The following CENPS variants were observed in gnomAD, a reference collection of about 807,000 sequenced individuals.
CENPS encodes the protein FANCM associated histone fold protein 1.
A neutral mutation model predicts 17.9 loss-of-function variants in CENPS; 16 were observed. That is an observed-to-expected ratio of 0.90 (90% confidence interval 0.61 to 1.36). The LOEUF is 1.36. Ranked by LOEUF, CENPS falls within the 40% of genes most tolerant of loss-of-function variation. CENPS has a pLI of 0.00. For synonymous variants in CENPS, 49 were observed against 55.8 expected (o/e 0.88, Z 0.54); for missense variants, 160 against 158.6 (o/e 1.01, Z -0.05).
At chr1:10,442,183 G>A (rs1640444878) in intron 4 of CENPS, 82 bp from the exon 5 acceptor site, 7 of 1,492,988 alleles carry the variant, frequency 4.7e-6, no homozygotes, top group African/African-American at 4.4e-5. Context: ...GGTGGTTGTG[G>A]AGGGTTTAGT....
intron 1 of CENPS, among the ~76,000 whole-genome samples, chr1:10,431,704 A>G (rs1639922889): frequency 6.6e-6 from 1 of 152,028 alleles, no homozygotes; most frequent in Non-Finnish European, 1.5e-5. Context: ...AAGTACAAAA[A>G]TTAGCCGAGT....
chr1:10,431,047 G>A (rs565098125), intron 1 of CENPS: 333 of 1,352,532 alleles, frequency 2.5e-4, no homozygotes, highest in Non-Finnish European at 3.1e-4. Flanking sequence ...GTCCTTAGAT[G>A]TGGGTTCGAA....
intron 3 of CENPS, among the ~76,000 whole-genome samples, chr1:10,438,621 C>T (rs1175035838): frequency 6.6e-6 from 1 of 151,864 alleles, no homozygotes; most frequent in African/African-American, 2.4e-5. Context: ...TTTGATTTTC[C>T]CTAGCTAGAG....
rs755114341 is a variant in CENPS at position 10,441,687 on chromosome 1, G to A, written c.277-578G>A. Among the ~76,000 whole-genome samples, 240 of 140,286 alleles carry A rather than the reference G, an allele frequency of 1.7e-3. 1 individual carries two copies. The highest frequency in any genetic ancestry group is 2.4e-3 in the Non-Finnish European group (157 of 66,284). The allele number at this position is 140,286 out of a possible 152,430, so 92.0% of individuals were successfully genotyped here. A position where few individuals can be genotyped will look rare whatever the true frequency, so the allele number is the denominator to read the frequency against. On this transcript the variant is annotated intron_variant, in intron 4 of 4. Coordinates refer to ENST00000309048, the MANE Select transcript of CENPS (RefSeq NM_199294.3). ...GTGGCCCAGGCTGGAGTGCAGTGGCGTGATCTCGGCTCACTGCAAACTCCG... is the reference window on the plus strand; with the variant it reads ...GTGGCCCAGGCTGGAGTGCAGTGGCATGATCTCGGCTCACTGCAAACTCCG...
intron 1 of CENPS, 52 bp downstream of exon 1, chr1:10,430,620 C>T (rs939255074): frequency 5.9e-6 from 9 of 1,519,380 alleles, no homozygotes; most frequent in Middle Eastern, 2.3e-4. Flanking sequence ...CGTCGAGTTT[C>T]TGGACAGAAA....
intron 1 of CENPS, chr1:10,431,391 G>A (rs966405444): frequency 9.1e-6 from 14 of 1,535,188 alleles, no homozygotes; most frequent in Non-Finnish European, 1.2e-5. Context: ...CAGAAAAGTT[G>A]CAAGAACACG....
At chr1:10,431,758 G>GC (rs1427270181) in intron 1 of CENPS, among the ~76,000 whole-genome samples, 2 of 151,450 alleles carry the variant, frequency 1.3e-5, no homozygotes, top group African/African-American at 4.9e-5. Flanking sequence ...GGACGTTGAG[G>GC]CAGGGGAATC....
chr1:10,432,156 C>G (rs193173051), intron 1 of CENPS, among the ~76,000 whole-genome samples: 127 of 152,008 alleles, frequency 8.4e-4, no homozygotes, highest in African/African-American at 2.8e-3. Flanking sequence ...GGCTCCATCT[C>G]GCCTCACTGC....
intron 4 of CENPS, among the ~76,000 whole-genome samples, 173 bp from the exon 5 acceptor site, chr1:10,442,092 A>G (rs59548624): frequency 0.03 from 2,158 of 72,338 alleles, 49 homozygotes; most frequent in African/African-American, 0.068. Flanking sequence ...AAAAAAAAAG[A>G]AAAAAAAAAT....
chr1:10,433,912 A>C lies in CENPS; in HGVS notation c.122A>C (p.Gln41Pro). 3.1e-6 allele frequency: 5 copies of C among 1,614,258 alleles called. No homozygotes were observed. The highest frequency in any genetic ancestry group is 4.2e-6 in the Non-Finnish European group (5 of 1,180,048). ...CEEVALDKEM[Q>P]FSKQTIAAIS... ...GAAGTTGCATTGGACAAAGAGATGC[A>C]GTTCAGCAAACAGACCATTGCGGCC... The change falls in exon 2 of 5, where the codon CAG (glutamine) becomes CCG (proline). Residue 41 changes from glutamine to proline, a missense_variant. Coordinates refer to ENST00000309048, the MANE Select transcript of CENPS (RefSeq NM_199294.3).
intron 3 of CENPS, among the ~76,000 whole-genome samples, chr1:10,439,489 T>G (rs1023215982): frequency 6.6e-6 from 1 of 152,222 alleles, no homozygotes; most frequent in Non-Finnish European, 1.5e-5. Flanking sequence ...GGCTCACGCC[T>G]GTAATCCCAG....
chr1:10,442,371 C>T lies in CENPS; in HGVS notation c.383C>T (p.Pro128Leu). 6.2e-7 allele frequency: 1 copy of T among 1,604,012 alleles called. No homozygotes were observed. The highest frequency in any genetic ancestry group is 8.5e-7 in the Non-Finnish European group (1 of 1,177,190). ...GATGGAAGCAAAAATTCAAGGCAGCCAGCAGAGGCTGGAGTGGTGGAAAGT... is the reference window on the plus strand; with the variant it reads ...GATGGAAGCAAAAATTCAAGGCAGCTAGCAGAGGCTGGAGTGGTGGAAAGT... ...SEDGSKNSRQ[P>L]AEAGVVESEN The change falls in exon 5 of 5, where the codon CCA (proline) becomes CTA (leucine). Residue 128 changes from proline (P) to leucine (L), a missense_variant. Coordinates refer to ENST00000309048, the MANE Select transcript of CENPS (RefSeq NM_199294.3).
At chr1:10,431,903 T>A (rs1639936748) in intron 1 of CENPS, among the ~76,000 whole-genome samples, 1 of 151,474 alleles carries the variant, frequency 6.6e-6, no homozygotes, top group Non-Finnish European at 1.5e-5. Flanking sequence ...TTCAATAAAT[T>A]GTCCCACTCA....
intron 2 of CENPS, 150 bp from the exon 3 acceptor site, chr1:10,434,507 G>T (rs1201225382): frequency 2.6e-6 from 3 of 1,139,498 alleles, no homozygotes; most frequent in Non-Finnish European, 3.6e-6. Flanking sequence ...GAATGGTGGG[G>T]CTGCTGGAAA....
intron 3 of CENPS, chr1:10,440,045 G>A (rs529198247): frequency 4.2e-5 from 16 of 377,432 alleles, no homozygotes; most frequent in East Asian, 3.6e-4. Flanking sequence ...CTGTGGCCAA[G>A]CAAGCCAGGT....
At chr1:10,437,263 C>A (rs1177666942) in intron 3 of CENPS, among the ~76,000 whole-genome samples, 1 of 152,102 alleles carries the variant, frequency 6.6e-6, no homozygotes, top group African/African-American at 2.4e-5. Context: ...TCAAGTGATC[C>A]TCCCACCTTG....
At chr1:10,441,815 C>T (rs1447773765) in intron 4 of CENPS, among the ~76,000 whole-genome samples, 3 of 151,268 alleles carry the variant, frequency 2.0e-5, no homozygotes, top group East Asian at 2.0e-4. Context: ...TTAGTAGAGA[C>T]GGGGTTTCAC....
At chr1:10,437,207 G>A (rs1194220255) in intron 3 of CENPS, among the ~76,000 whole-genome samples, 2 of 151,340 alleles carry the variant, frequency 1.3e-5, no homozygotes, top group East Asian at 3.9e-4. Context: ...CCAGGCTGGA[G>A]TGCAGTGGCA....
chr1:10,435,706 T>TACACAC (rs1405520586), intron 3 of CENPS, among the ~76,000 whole-genome samples: 13,817 of 141,428 alleles, frequency 0.098, 806 homozygotes, highest in Admixed American at 0.16. Context: ...AAAAATAATA[T>TACACAC]ATATATATAT....
Sources: gnomAD v4.1 joint callset for allele counts (sites outside exome capture counted in the v4.1 genomes callset) on GRCh38, gnomAD v4.1.1 for gene constraint, MANE v1.5 for transcripts, NCBI Gene and HGNC (gene_info 2026-07-23, HGNC 2026-07-21) for gene names.